TENM3: variants seen among roughly 807,000 people sequenced by gnomAD.
The protein encoded by TENM3 is teneurin transmembrane protein 3, also known as teneurin-3.
Under a neutral mutation model 255.1 loss-of-function variants are expected in TENM3, and 63 were observed. That is an observed-to-expected ratio of 0.25 (90% CI 0.20 to 0.30). The LOEUF (loss-of-function observed/expected upper bound fraction) is 0.30. Ranked by LOEUF, TENM3 falls within the 10% of genes least tolerant of loss-of-function variation. The pLI is 1.00. For synonymous variants in TENM3, 1,306 were observed against 1,322.3 expected, an observed-to-expected ratio of 0.99 and a Z score of 0.27; for missense variants, 2,929 against 3,461.1, an observed-to-expected ratio of 0.85 and a Z score of 3.86.
chr4:181,506,419 A>G, the TENM3 span, among the ~76,000 whole-genome samples: 1 of 151,616 alleles, frequency 6.6e-6, no homozygotes, highest in East Asian at 2.0e-4. Context: ...TTAATTGGGA[A>G]ATTGACATCC....
chr4:181,593,302 G>T, the TENM3 span, among the ~76,000 whole-genome samples: 1 of 152,152 alleles, frequency 6.6e-6, no homozygotes, highest in Admixed American at 6.5e-5. Flanking sequence ...CGCTTCCTAG[G>T]TTTTTATAAA....
chr4:182,211,178 T>C (rs1248453470), intron 1 of TENM3, among the ~76,000 whole-genome samples: 1 of 152,240 alleles, frequency 6.6e-6, no homozygotes, highest in African/African-American at 2.4e-5. Flanking sequence ...ACCAGGATTG[T>C]TTTTAAGAGT....
the TENM3 span, among the ~76,000 whole-genome samples, chr4:181,631,213 T>C: frequency 0.64 from 97,254 of 151,874 alleles, 31,909 homozygotes; most frequent in East Asian, 0.73. Flanking sequence ...TCCCAGAGGC[T>C]GATCTCAGCT....
chr4:182,628,927 C>A, intron 5 of TENM3, 38 bp downstream of exon 5: 1 of 1,201,734 alleles, frequency 8.3e-7, no homozygotes, highest in South Asian at 1.3e-5. Flanking sequence ...GTCTGTAAAT[C>A]AGGGTGTTAC....
chr4:181,486,378 A>G, the TENM3 span, among the ~76,000 whole-genome samples: 1 of 152,220 alleles, frequency 6.6e-6, no homozygotes, highest in African/African-American at 2.4e-5. Flanking sequence ...CAAACTGGGA[A>G]GAAGACAAAG....
chr4:182,375,107 T>A (rs1767089035), intron 3 of TENM3, among the ~76,000 whole-genome samples: 1 of 152,178 alleles, frequency 6.6e-6, no homozygotes, highest in South Asian at 2.1e-4. Flanking sequence ...CTCTTCCTTT[T>A]AGTCATCCTA....
At chr4:182,690,112 AGCCAAG>A (rs1756902376) in intron 12 of TENM3, among the ~76,000 whole-genome samples, 1 of 151,806 alleles carries the variant, frequency 6.6e-6, no homozygotes, top group Admixed American at 6.6e-5. Flanking sequence ...TCCAGATGCC[AGCCAAG>A]GGCCAGCCCG....
chr4:182,542,089 T>C (rs1347306950), intron 3 of TENM3, among the ~76,000 whole-genome samples: 1 of 152,026 alleles, frequency 6.6e-6, no homozygotes, highest in African/African-American at 2.4e-5. Context: ...GTGACAGCCA[T>C]ATATAGCAGT....
At chr4:182,300,317 G>T (rs1580077723) in intron 1 of TENM3, among the ~76,000 whole-genome samples, 1 of 152,262 alleles carries the variant, frequency 6.6e-6, no homozygotes, top group East Asian at 1.9e-4. Flanking sequence ...GAGGGAGGGA[G>T]GGAGGGAACC....
At chr4:181,589,281 A>G in the TENM3 span, among the ~76,000 whole-genome samples, 2 of 152,178 alleles carry the variant, frequency 1.3e-5, no homozygotes, top group African/African-American at 4.8e-5. Flanking sequence ...TATTTTTATC[A>G]TGAACTGTTC....
chr4:182,784,251 T>G (rs375656664), intron 24 of TENM3, among the ~76,000 whole-genome samples: 1 of 152,200 alleles, frequency 6.6e-6, no homozygotes, highest in Non-Finnish European at 1.5e-5. Flanking sequence ...GTCCTTTCTG[T>G]TTGTTAGTTT....
Position 182,653,774 on chromosome 4 carries a change from T to C in TENM3, c.992T>C (p.Met331Thr), listed in dbSNP as rs1243821230. The C allele has an allele frequency of 6.2e-7, 1 of 1,609,686 alleles. No individual in the cohort carries two copies. Among genetic ancestry groups the C allele is most frequent in the Non-Finnish European group, 8.5e-7 (1 of 1,178,002 alleles). The stretch of plus-strand genomic sequence containing the variant: ...AACTTGTGTTCTTTACCCCCAGCAA[T>C]GCATCTCTTTGGCCTCAACTGGCAG... ...LAILLSYFIA[M>T]HLFGLNWQLQ... Residue 331 changes from methionine to threonine, a missense_variant, in exon 6 of 28, where the codon ATG becomes ACG. Physicochemically the swap from Met to Thr is moderately conservative, Grantham distance 81. Coordinates refer to ENST00000511685, the MANE Select transcript of TENM3 (RefSeq NM_001080477.4).
chr4:182,026,341 C>T, the TENM3 span, among the ~76,000 whole-genome samples: 42 of 151,998 alleles, frequency 2.8e-4, 1 homozygote, highest in Non-Finnish European at 5.6e-4. Context: ...GTTTGAGCTC[C>T]TTATATATTC....
intron 1 of TENM3, among the ~76,000 whole-genome samples, chr4:182,289,054 G>T (rs927207345): frequency 4.0e-5 from 6 of 151,328 alleles, no homozygotes; most frequent in Non-Finnish European, 8.8e-5. Flanking sequence ...GCAAGACCCT[G>T]TCTTGGCAAA....
At chr4:181,756,822 T>A in the TENM3 span, among the ~76,000 whole-genome samples, 1 of 152,224 alleles carries the variant, frequency 6.6e-6, no homozygotes, top group Non-Finnish European at 1.5e-5. Context: ...ACTGCCTAGC[T>A]CCTTCTGTGC....
the TENM3 span, among the ~76,000 whole-genome samples, chr4:181,626,610 A>G: frequency 0.13 from 19,719 of 152,006 alleles, 1,357 homozygotes; most frequent in East Asian, 0.22. Context: ...ACCAGATCTC[A>G]TGAGAACTCA....
chr4:181,771,027 A>G, the TENM3 span, among the ~76,000 whole-genome samples: 1 of 152,218 alleles, frequency 6.6e-6, no homozygotes, highest in African/African-American at 2.4e-5. Flanking sequence ...CAGCTCCAGT[A>G]AGGAATGGGT....
At chr4:181,838,206 T>C in the TENM3 span, among the ~76,000 whole-genome samples, 22 of 152,244 alleles carry the variant, frequency 1.4e-4, no homozygotes, top group African/African-American at 4.8e-4. Context: ...CTAGCAGATT[T>C]GCATTTCTAA....
chr4:181,604,523 T>C, the TENM3 span, among the ~76,000 whole-genome samples: 3 of 152,088 alleles, frequency 2.0e-5, no homozygotes, highest in Non-Finnish European at 4.4e-5. Flanking sequence ...AAGCCTCAAA[T>C]GGGATGGCTG....
Sources: gnomAD v4.1 joint callset for allele counts (sites outside exome capture counted in the v4.1 genomes callset) on GRCh38, gnomAD v4.1.1 for gene constraint, MANE v1.5 for transcripts, NCBI Gene and HGNC (gene_info 2026-07-23, HGNC 2026-07-21) for gene names.